Variants in RCL1 observed in about 807,000 individuals in gnomAD.
RCL1 encodes the protein RNA terminal phosphate cyclase like 1.
Under a neutral mutation model 42.4 loss-of-function variants are expected in RCL1, and 24 were observed. That is an observed-to-expected ratio of 0.57 (90% CI 0.41 to 0.80). The LOEUF (loss-of-function observed/expected upper bound fraction) is 0.80. Among genes scored for constraint, RCL1 ranks in the 30% least tolerant of loss-of-function variants. RCL1 has a pLI of 0.00. For missense variants in RCL1, 578 were observed against 467.9 expected (o/e 1.24, Z -2.17); for synonymous variants, 228 against 177.3 (o/e 1.29, Z -2.27).
At position 4,793,172 on chromosome 9, in the gene RCL1, G is replaced by A; in HGVS notation, c.81G>A (p.Gly27=). 1.2e-6 allele frequency: 2 copies of A among 1,611,430 alleles called. No individual in the cohort carries two copies. The highest frequency in any genetic ancestry group is 1.7e-6 in the Non-Finnish European group (2 of 1,178,864). ...GTCTGGTCCTGTCTACCCTGAGCGG[G>A]CGCCCCGTCAAAATCCGAAAGATTC... ...RQRLVLSTLS[G]RPVKIRKIRA... Residue 27 remains glycine (G), a synonymous_variant, in exon 1 of 9, where the codon GGG becomes GGA. Coordinates refer to ENST00000381750, the MANE Select transcript of RCL1 (RefSeq NM_005772.5).
chr9:4,829,288 C>T (rs1313059633), intron 3 of RCL1, among the ~76,000 whole-genome samples: 1 of 152,026 alleles, frequency 6.6e-6, no homozygotes, highest in Non-Finnish European at 1.5e-5. Context: ...CTAGCTTGGG[C>T]ATTATGGAGA....
In RCL1 at chr9:4,798,876, TTC is replaced by T. The variant is rs1001903653; in HGVS notation, c.136+5651_136+5652del. Among the ~76,000 whole-genome samples, 5 of 78,798 alleles carry T rather than the reference TTC, an allele frequency of 6.3e-5. No homozygotes were observed. In the Admixed American group the frequency reaches 1.0e-3, roughly 16 times the overall value. The allele number at this position is 78,798 out of a possible 152,430, so 51.7% of individuals were successfully genotyped here. On this transcript the variant is annotated intron_variant, in intron 1 of 8. Transcript: ENST00000381750. ...TTTTGGCTGCCCAAAATAAGACTTC[TTC>T]TTTTTTTTTTTTTTTTTTTAAAGGC... is the stretch of plus-strand genomic sequence containing the variant.
intron 8 of RCL1, 60 bp from the exon 9 acceptor site, chr9:4,860,065 G>A (rs1818111609): frequency 8.1e-7 from 1 of 1,240,890 alleles, no homozygotes; most frequent in Non-Finnish European, 1.1e-6. Context: ...AGGTGGTAGA[G>A]GATAATTTTT....
At chr9:4,818,569 C>A (rs1393596634) in intron 1 of RCL1, among the ~76,000 whole-genome samples, 1 of 152,090 alleles carries the variant, frequency 6.6e-6, no homozygotes. Context: ...ACTGTCTTGT[C>A]TTCTGGTTAT....
At chr9:4,847,655 T>C (rs930568537) in intron 7 of RCL1, among the ~76,000 whole-genome samples, 1 of 152,226 alleles carries the variant, frequency 6.6e-6, no homozygotes, top group Non-Finnish European at 1.5e-5. Flanking sequence ...TGATCTGATC[T>C]CTTCACTCAT....
At chr9:4,844,271 C>T (rs1817434171) in intron 6 of RCL1, among the ~76,000 whole-genome samples, 1 of 152,094 alleles carries the variant, frequency 6.6e-6, no homozygotes, top group Admixed American at 6.6e-5. Context: ...GATGTGTCTA[C>T]TTAACAGTCA....
At chr9:4,804,373 C>G (rs1843059763) in intron 1 of RCL1, 1 of 152,436 alleles carries the variant, frequency 6.6e-6, no homozygotes, top group Non-Finnish European at 1.5e-5. Flanking sequence ...GGTGCCCCCA[C>G]TGCTGAGTGG....
chr9:4,807,032 G>C (rs1563830825), intron 1 of RCL1, among the ~76,000 whole-genome samples: 1 of 152,114 alleles, frequency 6.6e-6, no homozygotes, highest in South Asian at 2.1e-4. Flanking sequence ...TATGTGTAGA[G>C]TTTACAGTGT....
In RCL1 at chr9:4,823,624, G is replaced by C. The variant is rs1434720336; in HGVS notation, c.208+5G>C. On this transcript the variant is annotated splice_donor_5th_base_variant and intron_variant, in intron 2 of 8. Transcript: ENST00000381750. ...GAATTGAAATAAACCAAACAGGTAA[G>C]CTCCTTTTAGATTCCTAAAAGCACC... The C allele has an allele frequency of 6.2e-7, 1 of 1,602,482 alleles. No homozygotes were observed. Among genetic ancestry groups the C allele is most frequent in the East Asian group, 2.3e-5 (1 of 44,224 alleles).
At chr9:4,831,182 G>A (rs1816929152) in intron 3 of RCL1, among the ~76,000 whole-genome samples, 1 of 152,180 alleles carries the variant, frequency 6.6e-6, no homozygotes, top group Admixed American at 6.5e-5. Flanking sequence ...CATATGGAGA[G>A]TGATAAAGGG....
rs1817765196 is a variant in RCL1 at position 4,851,907 on chromosome 9, GT to G, written c.971+2360del. On this transcript the variant is annotated intron_variant, in intron 8 of 8. Transcript: ENST00000381750. ...ACTCTTTTTTTTTTTTTGAGACAGA[GT>G]TTCGCTCTGTCGCCCAGGCTAGAGG... Among the ~76,000 whole-genome samples, 5 of 97,098 alleles carry G rather than the reference GT, an allele frequency of 5.1e-5. 1 individual carries two copies. The South Asian group carries it at 1.5e-3, about 29-fold the overall frequency. 63.7% of individuals were successfully genotyped at this position (97,098 alleles called of 152,430 possible).
chr9:4,801,651 C>T (rs543852151), intron 1 of RCL1, among the ~76,000 whole-genome samples: 1 of 150,184 alleles, frequency 6.7e-6, no homozygotes, highest in African/African-American at 2.4e-5. Context: ...TCTTTTGTGG[C>T]AGTGCTTTTA....
At chr9:4,829,342 C>T (rs181775520) in intron 3 of RCL1, among the ~76,000 whole-genome samples, 11 of 152,050 alleles carry the variant, frequency 7.2e-5, no homozygotes, top group East Asian at 1.9e-4. Context: ...TAATTGGAGG[C>T]GGAGTGAGAG....
At chr9:4,838,184 G>A (rs1227797263) in intron 5 of RCL1, among the ~76,000 whole-genome samples, 2 of 152,126 alleles carry the variant, frequency 1.3e-5, no homozygotes, top group Non-Finnish European at 2.9e-5. Flanking sequence ...GCTCAGACTG[G>A]GAGAAAGAGG....
chr9:4,822,095 G>A (rs375324315), intron 1 of RCL1, among the ~76,000 whole-genome samples: 1 of 152,232 alleles, frequency 6.6e-6, no homozygotes, highest in Non-Finnish European at 1.5e-5. Context: ...GGATTTAATG[G>A]TGTTTCTCTG....
intron 1 of RCL1, among the ~76,000 whole-genome samples, chr9:4,802,720 AT>A (rs1843025890): frequency 6.6e-6 from 1 of 152,238 alleles, no homozygotes; most frequent in East Asian, 1.9e-4. Context: ...ATAGAAAAAA[AT>A]TTTATTCTGT....
At chr9:4,836,579 G>A (rs942373256) in intron 5 of RCL1, 4 of 152,188 alleles carry the variant, frequency 2.6e-5, no homozygotes, top group Non-Finnish European at 4.4e-5. Flanking sequence ...GAGCAAGACA[G>A]GCTGTGGGAT....
intron 6 of RCL1, among the ~76,000 whole-genome samples, chr9:4,841,693 G>A (rs1036045644): frequency 2.0e-5 from 3 of 152,222 alleles, no homozygotes; most frequent in African/African-American, 7.2e-5. Context: ...CTTCCACCCT[G>A]AGTAAATAAC....
At chr9:4,843,537 G>T (rs887328202) in intron 6 of RCL1, among the ~76,000 whole-genome samples, 1 of 152,110 alleles carries the variant, frequency 6.6e-6, no homozygotes, top group Non-Finnish European at 1.5e-5. Flanking sequence ...CACAAGTTGG[G>T]AAGAAAAATT....
Sources: allele counts gnomAD v4.1 joint callset (sites outside exome capture counted in the v4.1 genomes callset), GRCh38; gene constraint gnomAD v4.1.1; transcripts MANE v1.5; gene names NCBI Gene and HGNC (gene_info 2026-07-23, HGNC 2026-07-21).